The following GRM5 variants were observed in gnomAD, a reference collection of about 807,000 sequenced individuals.
GRM5 encodes glutamate metabotropic receptor 5.
A neutral mutation model predicts 83.1 loss-of-function variants in GRM5; 19 were observed. The observed-to-expected ratio is 0.23, with a 90% CI of 0.16 to 0.34. The LOEUF (loss-of-function observed/expected upper bound fraction) is 0.34. Ranked by LOEUF, GRM5 falls within the 10% of genes least tolerant of loss-of-function variation. GRM5 has a pLI of 1.00. For missense variants in GRM5, 1,160 were observed against 1,588.3 expected (o/e 0.73, Z 4.58); for synonymous variants, 675 against 633.6 (o/e 1.07, Z -0.98).
chr11:88,698,216 G>A (rs7483940), intron 3 of GRM5, among the ~76,000 whole-genome samples: 117,002 of 151,970 alleles, frequency 0.77, 45,206 homozygotes, highest in East Asian at 0.96. Flanking sequence ...TCCTGAACAT[G>A]ACCCTATATG....
rs377385565 is a variant in GRM5 at position 88,882,806 on chromosome 11, C to T, written c.662-32651G>A. The stretch of plus-strand genomic sequence containing the variant: ...TTCCCACCCAAATCTCAAATTGTAG[C>T]CCAAATAATTCCCACGTGTCATGGG... On this transcript the variant is annotated intron_variant, in intron 2 of 9. Coordinates refer to ENST00000305447, the MANE Select transcript of GRM5 (RefSeq NM_001143831.3). Among the ~76,000 whole-genome samples the T allele has an allele frequency of 8.5e-5, 13 of 152,110 alleles. No homozygotes were observed. In the East Asian group the frequency reaches 2.5e-3, roughly 29 times the overall value.
intron 4 of GRM5, among the ~76,000 whole-genome samples, chr11:88,636,769 T>C (rs1156889525): frequency 6.6e-6 from 1 of 152,220 alleles, no homozygotes; most frequent in African/African-American, 2.4e-5. Flanking sequence ...TTTCTACATA[T>C]GGCTAGCCAG....
chr11:88,637,913 CAA>C (rs1246090250), intron 4 of GRM5, among the ~76,000 whole-genome samples: 1 of 150,686 alleles, frequency 6.6e-6, no homozygotes. Flanking sequence ...CCCAAATGTC[CAA>C]CAATGATAGA....
At chr11:88,746,712 TAGAG>T (rs1166620824) in intron 3 of GRM5, among the ~76,000 whole-genome samples, 1 of 152,182 alleles carries the variant, frequency 6.6e-6, no homozygotes, top group African/African-American at 2.4e-5. Context: ...TAGCCAAAGA[TAGAG>T]ACTGTTAATA....
intron 1 of GRM5, among the ~76,000 whole-genome samples, chr11:89,050,967 G>A (rs1194873531): frequency 6.6e-6 from 1 of 152,104 alleles, no homozygotes; most frequent in Non-Finnish European, 1.5e-5. Context: ...GGTGGGAGGA[G>A]ACAGAGGATC....
intron 2 of GRM5, among the ~76,000 whole-genome samples, chr11:88,941,476 G>A (rs1431493961): frequency 0.01 from 758 of 74,026 alleles, 3 homozygotes; most frequent in African/African-American, 0.064. Context: ...AGAGAAGAGG[G>A]GAGGGGAGAG....
At chr11:89,013,820 T>C (rs1040317888) in intron 2 of GRM5, among the ~76,000 whole-genome samples, 2 of 152,188 alleles carry the variant, frequency 1.3e-5, no homozygotes, top group Non-Finnish European at 2.9e-5. Flanking sequence ...TTAGCACTTA[T>C]CACAGCCTAC....
chr11:89,036,523 C>G (rs918333820), intron 2 of GRM5, among the ~76,000 whole-genome samples: 13 of 151,996 alleles, frequency 8.6e-5, no homozygotes, highest in African/African-American at 2.9e-4. Flanking sequence ...TTCTGTGTGC[C>G]AAGCTTGATA....
At chr11:88,789,032 G>C (rs141809660) in intron 3 of GRM5, among the ~76,000 whole-genome samples, 75 of 152,238 alleles carry the variant, frequency 4.9e-4, no homozygotes, top group African/African-American at 1.7e-3. Context: ...TGGAAGAAAA[G>C]CTAAGATCTT....
chr11:88,582,721 G>C (rs968218417), intron 7 of GRM5, among the ~76,000 whole-genome samples: 7 of 152,118 alleles, frequency 4.6e-5, no homozygotes, highest in Admixed American at 4.6e-4. Flanking sequence ...CCTCATCTAA[G>C]TTTAATTATA....
At chr11:88,719,660 C>T (rs1194719164) in intron 3 of GRM5, among the ~76,000 whole-genome samples, 2 of 152,032 alleles carry the variant, frequency 1.3e-5, no homozygotes, top group Non-Finnish European at 2.9e-5. Context: ...AAGGGCTGAA[C>T]TAATAATTTA....
chr11:88,985,130 T>C (rs1233374741), intron 2 of GRM5, among the ~76,000 whole-genome samples: 1 of 152,216 alleles, frequency 6.6e-6, no homozygotes, highest in East Asian at 1.9e-4. Context: ...CCAGTTCTCT[T>C]AATCTCACCA....
rs1385190106 is a variant in GRM5, at chr11:89,064,058, G to A, written c.-201+1718C>T. Among the ~76,000 whole-genome samples the A allele has an allele frequency of 9.2e-5, 14 of 152,176 alleles. 1 individual carries two copies. Among genetic ancestry groups the A allele is most frequent in the African/African-American group, 3.1e-4 (13 of 41,448 alleles). On this transcript the variant is annotated intron_variant, in intron 1 of 9. Transcript: ENST00000305447. ...TAGGTCCCAGTTGTCTCCTAGGAGT[G>A]TAGACATCCTTGTCTCAGGGGGAAT...
intron 3 of GRM5, among the ~76,000 whole-genome samples, chr11:88,781,355 C>T (rs1591511738): frequency 6.6e-6 from 1 of 152,042 alleles, no homozygotes; most frequent in African/African-American, 2.4e-5. Flanking sequence ...GGAAACACTA[C>T]ATAAATGGAG....
intron 2 of GRM5, among the ~76,000 whole-genome samples, chr11:88,865,980 A>G (rs1256032340): frequency 6.6e-6 from 1 of 152,140 alleles, no homozygotes; most frequent in Non-Finnish European, 1.5e-5. Context: ...TAGTTCAACC[A>G]TTGTGGAAGA....
chr11:88,852,997 C>T (rs1381736255), intron 2 of GRM5, among the ~76,000 whole-genome samples: 1 of 152,080 alleles, frequency 6.6e-6, no homozygotes, highest in Non-Finnish European at 1.5e-5. Flanking sequence ...GTAACTATTA[C>T]TTTTTCCAAT....
intron 2 of GRM5, among the ~76,000 whole-genome samples, chr11:88,922,366 G>C (rs1320525771): frequency 6.6e-6 from 1 of 152,012 alleles, no homozygotes; most frequent in Non-Finnish European, 1.5e-5. Flanking sequence ...GCATGGTGAT[G>C]GCACAAAAAC....
At chr11:88,633,590 T>C (rs4341539) in intron 4 of GRM5, among the ~76,000 whole-genome samples, 105,426 of 152,138 alleles carry the variant, frequency 0.69, 41,811 homozygotes, top group Non-Finnish European at 0.9. Flanking sequence ...TGCTGAACTC[T>C]TGGGCTCAAG....
intron 7 of GRM5, among the ~76,000 whole-genome samples, chr11:88,587,673 C>T (rs1380970369): frequency 6.6e-6 from 1 of 152,108 alleles, no homozygotes; most frequent in African/African-American, 2.4e-5. Flanking sequence ...ATAAAACTCT[C>T]ATTTGACAGG....
Sources: gnomAD v4.1 joint callset for allele counts (sites outside exome capture counted in the v4.1 genomes callset) on GRCh38, gnomAD v4.1.1 for gene constraint, MANE v1.5 for transcripts, NCBI Gene and HGNC (gene_info 2026-07-23, HGNC 2026-07-21) for gene names.